COL5A1: variants seen among roughly 807,000 people sequenced by gnomAD.
COL5A1 encodes collagen alpha-1(V) chain.
In COL5A1, 16 loss-of-function variants were observed where a neutral mutation model predicts 263.7. The ratio of observed to expected loss-of-function variants is 0.06; its 90% CI spans 0.04 to 0.09. The LOEUF is 0.09. Among genes scored for constraint, COL5A1 ranks in the 10% least tolerant of loss-of-function variants. COL5A1 has a pLI of 1.00. For missense variants in COL5A1, 2,036 were observed against 2,540.5 expected, an observed-to-expected ratio of 0.80 and a Z score of 4.27; for synonymous variants, 1,012 against 1,004.5, an observed-to-expected ratio of 1.01 and a Z score of -0.14.
intron 11 of COL5A1, among the ~76,000 whole-genome samples, chr9:134,746,128 G>T (rs1400718692): frequency 6.6e-6 from 1 of 152,172 alleles, no homozygotes; most frequent in African/African-American, 2.4e-5. Flanking sequence ...CCCACCGCGC[G>T]TGGTCATGCA....
chr9:134,762,124 A>G, intron 19 of COL5A1, 146 bp downstream of exon 19: 1 of 809,182 alleles, frequency 1.2e-6, no homozygotes, highest in Non-Finnish European at 2.1e-6. Context: ...TGGGGATTCC[A>G]GTGGGCAAAG....
At chr9:134,718,170 AT>A (rs1269411406) in intron 4 of COL5A1, among the ~76,000 whole-genome samples, 2 of 152,164 alleles carry the variant, frequency 1.3e-5, no homozygotes, top group African/African-American at 4.8e-5. Flanking sequence ...GGCAGAACTG[AT>A]TCTCTCAGCA....
At chr9:134,683,764 T>C (rs563712923) in intron 1 of COL5A1, among the ~76,000 whole-genome samples, 1 of 152,310 alleles carries the variant, frequency 6.6e-6, no homozygotes, top group East Asian at 1.9e-4. Flanking sequence ...GAGTGGGTGC[T>C]TGTGCCCTGG....
At chr9:134,685,034 T>TC (rs1832971266) in intron 1 of COL5A1, among the ~76,000 whole-genome samples, 1 of 65,028 alleles carries the variant, frequency 1.5e-5, no homozygotes, top group African/African-American at 5.4e-5. Context: ...ATCCATCCAT[T>TC]CATCCATCCA....
chr9:134,732,171 T>C lies in COL5A1; in HGVS notation c.1389+44T>C, dbSNP rs201340668. On this transcript the variant is annotated intron_variant, in intron 9 of 65. Transcript: ENST00000371817. The stretch of plus-strand genomic sequence containing the variant: ...TCCCTCCCTGCGCCGGGGTGTCCGC[T>C]GCTCGGGGTCACAGCGGGGTGTGTA... 7.4e-5 allele frequency: 119 copies of C among 1,606,406 alleles called. No homozygotes were observed. The Middle Eastern group carries it at 1.4e-3, about 18-fold the overall frequency.
rs202141080 is a variant in COL5A1, at chr9:134,812,592, T to C, written c.3745-13T>C. ...CGTTTCCTCTGGGCTCAGTGGTCTCTCCCTTTTCCTAGGGCCCCCCGGGTC... is the reference window on the plus strand; with the variant it reads ...CGTTTCCTCTGGGCTCAGTGGTCTCCCCCTTTTCCTAGGGCCCCCCGGGTC... On this transcript the variant is annotated splice_polypyrimidine_tract_variant and intron_variant, in intron 47 of 65. Transcript: ENST00000371817. 1 of 1,609,300 alleles carries C rather than the reference T, an allele frequency of 6.2e-7. No homozygotes were observed. Among genetic ancestry groups the C allele is most frequent in the Non-Finnish European group, 8.5e-7 (1 of 1,176,982 alleles).
intron 26 of COL5A1, among the ~76,000 whole-genome samples, chr9:134,774,423 G>T (rs913724615): frequency 1.2e-4 from 19 of 152,218 alleles, no homozygotes; most frequent in African/African-American, 4.6e-4. Flanking sequence ...GCCCTTGGCT[G>T]CTGGAGGATG....
chr9:134,656,214 C>T (rs79476762), intron 1 of COL5A1, among the ~76,000 whole-genome samples: 15,754 of 152,148 alleles, frequency 0.1, 1,080 homozygotes, highest in South Asian at 0.13. Flanking sequence ...CCCAGTGCAG[C>T]GGCAGTGACC....
chr9:134,692,496 G>A (rs1008053386), intron 2 of COL5A1, among the ~76,000 whole-genome samples: 2 of 152,136 alleles, frequency 1.3e-5, no homozygotes, highest in African/African-American at 2.4e-5. Context: ...TTTAGAATTC[G>A]TGACCTAGAG....
intron 1 of COL5A1, among the ~76,000 whole-genome samples, chr9:134,685,432 A>G (rs1186743225): frequency 8.3e-5 from 3 of 36,254 alleles, no homozygotes; most frequent in African/African-American, 2.3e-4. Flanking sequence ...CCATCCATCC[A>G]TCCATCCATT....
At chr9:134,805,134 T>C in intron 40 of COL5A1, 27 bp from the exon 41 acceptor site, 1 of 1,613,898 alleles carries the variant, frequency 6.2e-7, no homozygotes, top group Non-Finnish European at 8.5e-7. Flanking sequence ...CCACGTGCCC[T>C]TGACCAACCT....
intron 42 of COL5A1, among the ~76,000 whole-genome samples, chr9:134,807,197 G>A (rs1205814565): frequency 1.3e-5 from 2 of 152,234 alleles, no homozygotes; most frequent in Non-Finnish European, 2.9e-5. Flanking sequence ...AGTACAGAGG[G>A]TCAGAATGAG....
chr9:134,655,913 C>T (rs1831956300), intron 1 of COL5A1, among the ~76,000 whole-genome samples: 2 of 152,190 alleles, frequency 1.3e-5, no homozygotes, highest in Non-Finnish European at 1.5e-5. Flanking sequence ...GGTACCAAGA[C>T]AGCAGCTGCA....
At chr9:134,693,027 C>T (rs984680293) in intron 2 of COL5A1, among the ~76,000 whole-genome samples, 2 of 152,042 alleles carry the variant, frequency 1.3e-5, no homozygotes, top group Non-Finnish European at 2.9e-5. Context: ...GAGCTGAGAT[C>T]GCACCACTGC....
intron 63 of COL5A1, among the ~76,000 whole-genome samples, chr9:134,828,424 A>T (rs1839385132): frequency 6.8e-6 from 1 of 146,654 alleles, no homozygotes; most frequent in African/African-American, 2.5e-5. Context: ...CTCAGTCCCC[A>T]GGAAGGTTCT....
At chr9:134,746,157 C>T (rs1216426750) in intron 11 of COL5A1, among the ~76,000 whole-genome samples, 1 of 152,206 alleles carries the variant, frequency 6.6e-6, no homozygotes, top group East Asian at 1.9e-4. Context: ...TTCTGCACAG[C>T]CAGGAGATGT....
rs117064477 is a variant in COL5A1 at position 134,742,798 on chromosome 9, C to T, written c.1494+3990C>T. Among the ~76,000 whole-genome samples the T allele has an allele frequency of 0.032, 4,810 of 152,300 alleles. 111 individuals are homozygous for T. The highest frequency in any genetic ancestry group is 0.048 in the Non-Finnish European group (3,231 of 68,020). On this transcript the variant is annotated intron_variant, in intron 11 of 65. Transcript: ENST00000371817. The surrounding 1 kb of genome is among the most constrained non-coding windows in gnomAD (Gnocchi z 4.6). ...TGAGGCTGTGCATTTGTGAAGGTTC[C>T]CTATGATGCCATGGTGGCAGTGCCG...
Position 134,650,475 on chromosome 9 carries a change from C to T in COL5A1, c.109+8179C>T, listed in dbSNP as rs758993596. 7.2e-5 allele frequency among the ~76,000 whole-genome samples: 11 copies of T among 152,306 alleles called. No individual in the cohort carries two copies. The highest frequency in any genetic ancestry group is 6.8e-3 in the Middle Eastern group (2 of 294). ...ACCCCTAACATGAGACGGACCTGTG[C>T]GGGGGGCACAGGTGAGCGATAGGCG... On this transcript the variant is annotated intron_variant, in intron 1 of 65. Transcript: ENST00000371817.
At chr9:134,749,614 G>C (rs146237219) in intron 11 of COL5A1, among the ~76,000 whole-genome samples, 1 of 152,312 alleles carries the variant, frequency 6.6e-6, no homozygotes, top group Non-Finnish European at 1.5e-5. Flanking sequence ...CACTCAGGTG[G>C]TGTGAACACA....
Sources: gnomAD v4.1 joint callset for allele counts (sites outside exome capture counted in the v4.1 genomes callset) on GRCh38, gnomAD v4.1.1 for gene constraint, Gnocchi (gnomAD v3.1) non-coding constraint, MANE v1.5 for transcripts, NCBI Gene and HGNC (gene_info 2026-07-23, HGNC 2026-07-21) for gene names.